VAV3: variants seen among roughly 807,000 people sequenced by gnomAD.
VAV3 encodes the protein guanine nucleotide exchange factor VAV3.
Under a neutral mutation model 131.2 loss-of-function variants are expected in VAV3, and 94 were observed. That is an observed-to-expected ratio of 0.72 (90% CI 0.61 to 0.85). VAV3 has a LOEUF of 0.85. Among genes scored for constraint, VAV3 ranks in the 40% least tolerant of loss-of-function variants. The pLI is 0.00. For missense variants in VAV3, 939 were observed against 1,002.7 expected, an observed-to-expected ratio of 0.94 and a Z score of 0.86; for synonymous variants, 349 against 342.0, an observed-to-expected ratio of 1.02 and a Z score of -0.22.
At chr1:107,691,289 AC>A (rs1161205509) in intron 17 of VAV3, among the ~76,000 whole-genome samples, 11 of 152,052 alleles carry the variant, frequency 7.2e-5, no homozygotes, top group Non-Finnish European at 1.5e-4. Flanking sequence ...GGAATAAGAA[AC>A]CTTTTTGTAT....
At chr1:107,785,496 T>C (rs1175403647) in intron 2 of VAV3, 1 of 1,320,604 alleles carries the variant, frequency 7.6e-7, no homozygotes, top group Admixed American at 2.4e-5. Context: ...GGCAGCTGCA[T>C]GCTAGAGCCC....
chr1:107,621,290 C>T (rs1338616234), intron 20 of VAV3, among the ~76,000 whole-genome samples: 3 of 152,132 alleles, frequency 2.0e-5, no homozygotes, highest in South Asian at 2.1e-4. Flanking sequence ...CCTATTTTAA[C>T]GTATGAATAA....
At chr1:107,848,910 A>G (rs909086048) in intron 2 of VAV3, among the ~76,000 whole-genome samples, 1 of 152,162 alleles carries the variant, frequency 6.6e-6, no homozygotes, top group Non-Finnish European at 1.5e-5. Flanking sequence ...AAAAATCATA[A>G]ACATTCCTAT....
At chr1:107,847,886 T>C (rs372413917) in intron 2 of VAV3, among the ~76,000 whole-genome samples, 6 of 152,078 alleles carry the variant, frequency 3.9e-5, no homozygotes, top group Admixed American at 1.3e-4. Flanking sequence ...TTCCAAATAA[T>C]AGAAAAAGAG....
chr1:107,843,770 T>G (rs962517600), intron 2 of VAV3, among the ~76,000 whole-genome samples: 1 of 151,978 alleles, frequency 6.6e-6, no homozygotes. Context: ...AATGCATTTT[T>G]GGGGGAGTCT....
At chr1:107,723,233 A>T (rs963984100) in intron 15 of VAV3, among the ~76,000 whole-genome samples, 1 of 151,926 alleles carries the variant, frequency 6.6e-6, no homozygotes, top group Non-Finnish European at 1.5e-5. Flanking sequence ...AAAGAGAGCT[A>T]CTCCTTTGGG....
intron 15 of VAV3, among the ~76,000 whole-genome samples, chr1:107,739,464 T>G (rs529159489): frequency 6.6e-6 from 1 of 151,774 alleles, no homozygotes; most frequent in East Asian, 1.9e-4. Context: ...TCAGGGAGAG[T>G]TGAGCTGGCT....
intron 18 of VAV3, among the ~76,000 whole-genome samples, chr1:107,685,460 G>A (rs75879444): frequency 0.014 from 2,201 of 152,166 alleles, 30 homozygotes; most frequent in Non-Finnish European, 0.023. Flanking sequence ...TTAGCTTTTT[G>A]TTATTTTAAA....
chr1:107,719,358 C>G (rs1661340273), intron 15 of VAV3, among the ~76,000 whole-genome samples: 1 of 152,094 alleles, frequency 6.6e-6, no homozygotes, highest in Non-Finnish European at 1.5e-5. Context: ...AACAAATTTA[C>G]AAGAGAAAAT....
chr1:107,704,925 C>T (rs1406929235), intron 16 of VAV3, 35 bp downstream of exon 16: 3 of 1,569,576 alleles, frequency 1.9e-6, no homozygotes, highest in South Asian at 2.2e-5. Flanking sequence ...TATATCAGTT[C>T]CTTTAAACTG....
chr1:107,658,661 T>A (rs2101612565), intron 19 of VAV3, among the ~76,000 whole-genome samples: 1 of 152,226 alleles, frequency 6.6e-6, no homozygotes, highest in Non-Finnish European at 1.5e-5. Context: ...TGAGATGGTA[T>A]CTTATTGTGG....
At chr1:107,710,530 A>G (rs893454347) in intron 15 of VAV3, among the ~76,000 whole-genome samples, 2 of 152,206 alleles carry the variant, frequency 1.3e-5, no homozygotes, top group African/African-American at 4.8e-5. Context: ...AATGTCCTTT[A>G]GAAATATGCT....
chr1:107,944,306 A>C (rs1443083418), intron 1 of VAV3, among the ~76,000 whole-genome samples: 2 of 152,236 alleles, frequency 1.3e-5, no homozygotes, highest in Non-Finnish European at 2.9e-5. Context: ...AAAAATGAGA[A>C]TAGACTGTAA....
At chr1:107,726,913 T>A (rs1661878432) in intron 15 of VAV3, among the ~76,000 whole-genome samples, 1 of 152,072 alleles carries the variant, frequency 6.6e-6, no homozygotes, top group Non-Finnish European at 1.5e-5. Context: ...AGTGTGTAAA[T>A]CCACACAAAC....
intron 2 of VAV3, among the ~76,000 whole-genome samples, chr1:107,847,941 C>A (rs999372496): frequency 3.9e-5 from 6 of 152,180 alleles, no homozygotes; most frequent in African/African-American, 1.4e-4. Flanking sequence ...ATACCAACAC[C>A]TGGCAGAGAC....
At chr1:107,738,137 T>C (rs978839238) in intron 15 of VAV3, among the ~76,000 whole-genome samples, 3 of 152,072 alleles carry the variant, frequency 2.0e-5, no homozygotes, top group Non-Finnish European at 2.9e-5. Flanking sequence ...TTCTCACTCA[T>C]AGGTGGGAAT....
At chr1:107,938,248 A>G (rs901937275) in intron 1 of VAV3, among the ~76,000 whole-genome samples, 2 of 152,158 alleles carry the variant, frequency 1.3e-5, no homozygotes, top group African/African-American at 4.8e-5. Context: ...CAACTTCGAG[A>G]AATGTCCCCA....
chr1:107,777,566 G>T (rs1475646723), intron 3 of VAV3: 5 of 487,122 alleles, frequency 1.0e-5, no homozygotes, highest in Admixed American at 3.6e-5. Flanking sequence ...TGTGCAGGGG[G>T]TCATAATAAC....
chr1:107,630,456 C>T (rs1654381666), intron 20 of VAV3, among the ~76,000 whole-genome samples: 1 of 152,110 alleles, frequency 6.6e-6, no homozygotes, highest in Non-Finnish European at 1.5e-5. Context: ...GTGATTGTTA[C>T]TTCCACTTGA....
Sources: gnomAD v4.1 joint callset for allele counts (sites outside exome capture counted in the v4.1 genomes callset) on GRCh38, gnomAD v4.1.1 for gene constraint, MANE v1.5 for transcripts, NCBI Gene and HGNC (gene_info 2026-07-23, HGNC 2026-07-21) for gene names.